The following ABHD2 variants were observed in gnomAD, a reference collection of about 807,000 sequenced individuals.
ABHD2 encodes the protein monoacylglycerol lipase ABHD2.
A neutral mutation model predicts 48.1 loss-of-function variants in ABHD2; 20 were observed. That is an observed-to-expected ratio of 0.42 (90% CI 0.29 to 0.60). The LOEUF is 0.60. Among genes scored for constraint, ABHD2 ranks in the 20% least tolerant of loss-of-function variants. The pLI is 0.24. For synonymous variants in ABHD2, 209 were observed against 214.2 expected (o/e 0.98, Z 0.21); for missense variants, 405 against 550.9 (o/e 0.74, Z 2.65).
intron 5 of ABHD2, among the ~76,000 whole-genome samples, chr15:89,162,933 T>G: frequency 6.6e-6 from 1 of 152,238 alleles, no homozygotes; most frequent in East Asian, 1.9e-4. Context: ...CAGTGTTTAC[T>G]GAATGCCTAC....
Position 89,136,363 on chromosome 15 carries a change from ACTT to A in ABHD2, c.195-15310_195-15308del, listed in dbSNP as rs2050312637. 4.4e-5 allele frequency: 23 copies of A among 521,034 alleles called. 1 individual carries two copies. The highest frequency in any genetic ancestry group is 3.2e-4 in the South Asian group (22 of 69,206). The allele number at this position is 521,034 out of a possible 1,614,324, so 32.3% of individuals were successfully genotyped here. Reference sequence around the variant, plus strand: ...GGCATGGTCTTCCACCTCTCTGAGCACTTCTTAGAAAACTCTGAGGAGTTGACT... The same window carrying A: ...GGCATGGTCTTCCACCTCTCTGAGCACTTAGAAAACTCTGAGGAGTTGACT... On this transcript the variant is annotated intron_variant, in intron 3 of 10. Coordinates refer to ENST00000352732, the MANE Select transcript of ABHD2 (RefSeq NM_152924.5).
At chr15:89,170,848 T>C (rs1189220858) in intron 5 of ABHD2, among the ~76,000 whole-genome samples, 1 of 152,184 alleles carries the variant, frequency 6.6e-6, no homozygotes, top group African/African-American at 2.4e-5. Context: ...CCGGGCGCGG[T>C]GGCTCACACC....
At chr15:89,083,840 C>T (rs1250108074), upstream of ABHD2, among the ~76,000 whole-genome samples, 1 of 152,196 alleles carries the variant, frequency 6.6e-6, no homozygotes, top group Non-Finnish European at 1.5e-5. The surrounding 1 kb of genome is among the most constrained non-coding windows in gnomAD (Gnocchi z 5.1). Flanking sequence ...GGAACTATTG[C>T]ATGCTGGGAC....
intron 1 of ABHD2, among the ~76,000 whole-genome samples, chr15:89,099,244 C>T (rs1319867531): frequency 5.3e-5 from 8 of 152,176 alleles, no homozygotes; most frequent in East Asian, 1.9e-4. Flanking sequence ...ACTTTATAAA[C>T]GATAGAGCTA....
chr15:89,169,103 A>C (rs2050880412), intron 5 of ABHD2, among the ~76,000 whole-genome samples: 1 of 152,160 alleles, frequency 6.6e-6, no homozygotes, highest in African/African-American at 2.4e-5. Context: ...AAAAAATAAG[A>C]ATAAAAATAA....
chr15:89,135,143 C>CTTTTCTTTTTTTTTTTTTTT (rs1555429068), intron 3 of ABHD2, among the ~76,000 whole-genome samples: 2 of 112,176 alleles, frequency 1.8e-5, no homozygotes, highest in Non-Finnish European at 3.8e-5. Context: ...ACAACTTTTT[C>CTTTTCTTTTTTTTTTTTTTT]TTTTTTTTTT....
Position 89,116,316 on chromosome 15 carries a change from C to T in ABHD2, c.-6-6C>T. ...GTAAACTTAGACCTGTGCCTCTGCT[C>T]CCCAGATCAAGATGAATGCCATGCT... On this transcript the variant is annotated splice_region_variant and splice_polypyrimidine_tract_variant and intron_variant, in intron 2 of 10. Transcript: ENST00000352732. The surrounding 1 kb of genome is among the most constrained non-coding windows in gnomAD (Gnocchi z 4.6). 2 of 1,611,292 alleles carry T rather than the reference C, an allele frequency of 1.2e-6. No individual in the cohort carries two copies. The highest frequency in any genetic ancestry group is 1.7e-6 in the Non-Finnish European group (2 of 1,178,148).
chr15:89,163,279 G>A (rs1051488324), intron 5 of ABHD2, among the ~76,000 whole-genome samples: 8 of 152,236 alleles, frequency 5.3e-5, no homozygotes, highest in African/African-American at 1.7e-4. Flanking sequence ...AATGTGATTA[G>A]AAATTGTTGA....
chr15:89,043,442 A>G, the ABHD2 span, among the ~76,000 whole-genome samples: 211 of 136,294 alleles, frequency 1.5e-3, no homozygotes, highest in African/African-American at 6.0e-3. Flanking sequence ...AAAGAAGAAG[A>G]AGAAGGAGGA....
chr15:89,122,492 C>T (rs957597329), intron 3 of ABHD2, among the ~76,000 whole-genome samples: 15 of 152,238 alleles, frequency 9.9e-5, no homozygotes, highest in Non-Finnish European at 2.1e-4. Flanking sequence ...CTGTATCCGG[C>T]TTGTTCAATG....
the ABHD2 span, among the ~76,000 whole-genome samples, chr15:89,074,885 T>G: frequency 6.6e-6 from 1 of 152,206 alleles, no homozygotes; most frequent in Non-Finnish European, 1.5e-5. Context: ...GTTTCCTGCC[T>G]CATATCACTG....
chr15:89,172,596 A>G (rs1448433648), intron 5 of ABHD2, among the ~76,000 whole-genome samples: 1 of 152,256 alleles, frequency 6.6e-6, no homozygotes, highest in Non-Finnish European at 1.5e-5. Flanking sequence ...GTATACTTAC[A>G]TATTTTTAAA....
At chr15:89,124,816 C>T (rs1461606651) in intron 3 of ABHD2, among the ~76,000 whole-genome samples, 8 of 152,130 alleles carry the variant, frequency 5.3e-5, no homozygotes, top group South Asian at 2.1e-4. Flanking sequence ...GGGCTGGGCG[C>T]GGTGGCTAAC....
At chr15:89,072,441 T>A in the ABHD2 span, among the ~76,000 whole-genome samples, 2 of 149,300 alleles carry the variant, frequency 1.3e-5, no homozygotes, top group Admixed American at 1.4e-4. Context: ...GTGCCACTGC[T>A]CTCCAGCCTG....
the ABHD2 span, among the ~76,000 whole-genome samples, chr15:89,052,531 A>G: frequency 2.3e-5 from 1 of 43,948 alleles, no homozygotes; most frequent in Non-Finnish European, 8.1e-5. Flanking sequence ...AGACAGACAG[A>G]CAGACAGACA....
At chr15:89,153,346 A>C (rs142846140) in intron 4 of ABHD2, among the ~76,000 whole-genome samples, 93 of 152,384 alleles carry the variant, frequency 6.1e-4, no homozygotes, top group African/African-American at 2.1e-3. Context: ...AGATGAATAC[A>C]TGAATAGGTG....
chr15:89,055,744 A>C, the ABHD2 span, among the ~76,000 whole-genome samples: 3 of 152,336 alleles, frequency 2.0e-5, no homozygotes, highest in South Asian at 2.1e-4. Context: ...CTATACTATG[A>C]AATATTGAAC....
the ABHD2 span, among the ~76,000 whole-genome samples, chr15:89,069,674 C>CTTTT: frequency 3.7e-3 from 198 of 52,866 alleles, 47 homozygotes; most frequent in African/African-American, 0.013. Context: ...TTCATTTACT[C>CTTTT]TTTTTTTTTT....
rs2150964311 is a variant in ABHD2, at chr15:89,200,889, C to T, written c.*5466C>T. The T allele has an allele frequency of 2.5e-6, 1 of 395,208 alleles. No individual in the cohort carries two copies. The highest frequency in any genetic ancestry group is 5.6e-5 in the East Asian group (1 of 17,844). 24.5% of individuals were successfully genotyped at this position (395,208 alleles called of 1,614,324 possible). ...CTGAGGTTAGGAGTTCAAGACCAGC[C>T]TGGCCAACATGGTGAAACCCCTTCT... On this transcript the variant is annotated 3_prime_UTR_variant, in exon 11 of 11. Transcript: ENST00000352732.
Sources: allele counts gnomAD v4.1 joint callset (sites outside exome capture counted in the v4.1 genomes callset), GRCh38; gene constraint gnomAD v4.1.1; non-coding constraint Gnocchi (gnomAD v3.1); transcripts MANE v1.5; gene names NCBI Gene and HGNC (gene_info 2026-07-23, HGNC 2026-07-21).